The following RRBP1 variants were observed in gnomAD, a reference collection of about 807,000 sequenced individuals.
RRBP1 encodes ribosome binding protein 1.
In RRBP1, 94 loss-of-function variants were observed where a neutral mutation model predicts 165.2. The ratio of observed to expected loss-of-function variants is 0.57; its 90% CI spans 0.48 to 0.68. The LOEUF is 0.68. RRBP1 is among the 30% of genes least tolerant of loss of function. The probability of loss-of-function intolerance (pLI) is 0.00; values close to 1 mark genes in which losing one functional copy is unlikely to be tolerated. For synonymous variants in RRBP1, 680 were observed against 714.5 expected (o/e 0.95, Z 0.77); for missense variants, 1,676 against 1,763.0 (o/e 0.95, Z 0.88).
chr20:17,628,048 C>T (rs757614497), intron 9 of RRBP1, among the ~76,000 whole-genome samples: 14 of 152,188 alleles, frequency 9.2e-5, no homozygotes, highest in Non-Finnish European at 1.0e-4. Context: ...CTAGGTGGAC[C>T]CCACTGCCAC....
chr20:17,625,801 C>A (rs981217265), intron 11 of RRBP1, among the ~76,000 whole-genome samples, 199 bp from the exon 12 acceptor site: 3 of 152,156 alleles, frequency 2.0e-5, no homozygotes, highest in Non-Finnish European at 4.4e-5. Flanking sequence ...TCCCCTCCCC[C>A]CGCCATCCAG....
In RRBP1 at chr20:17,636,662, C is replaced by A. The variant is rs772325450; in HGVS notation, c.2252G>T (p.Arg751Leu). The stretch of plus-strand genomic sequence containing the variant: ...CTGCACAGCCGTGATCTCCTGCTCC[C>A]GGGCCACCAGCTGCTTTTTCACTTT... ...EAKVKKQLVA[R>L]EQEITAVQAR... is the part of the protein sequence containing the mutation. The change falls in exon 6 of 25, where the codon CGG becomes CTG. Residue 751 changes from arginine to leucine, a missense_variant. Coordinates refer to ENST00000377813, the MANE Select transcript of RRBP1 (RefSeq NM_001365613.2). 6.2e-7 allele frequency: 1 copy of A among 1,613,334 alleles called. No individual in the cohort carries two copies. Among genetic ancestry groups the A allele is most frequent in the Non-Finnish European group, 8.5e-7 (1 of 1,180,032 alleles).
At position 17,641,840 on chromosome 20, in the gene RRBP1, TC is replaced by T; in HGVS notation, c.2140del (p.Glu714LysfsTer10). 6.2e-7 allele frequency: 1 copy of T among 1,613,966 alleles called. No homozygotes were observed. Among genetic ancestry groups the T allele is most frequent in the Non-Finnish European group, 8.5e-7 (1 of 1,180,018 alleles). The part of the protein sequence containing the change: ...EKEKLLATEQ[E>X]DAAVAKSKLR... ...TTTGCTCTTGGCGACAGCCGCATCT[TC>T]CTGTTCTGTGGCCAGCAGTTTTTCC... is the stretch of plus-strand genomic sequence containing the variant. On this transcript the variant is annotated frameshift_variant, in exon 5 of 25. Coordinates refer to ENST00000377813, the MANE Select transcript of RRBP1 (RefSeq NM_001365613.2). LOFTEE classifies it high-confidence loss of function.
intron 6 of RRBP1, among the ~76,000 whole-genome samples, chr20:17,636,017 C>G (rs1010109333): frequency 3.3e-5 from 5 of 152,230 alleles, no homozygotes; most frequent in Non-Finnish European, 7.3e-5. Flanking sequence ...CTCTAACCCC[C>G]CTGAGGAAGC....
intron 2 of RRBP1, among the ~76,000 whole-genome samples, chr20:17,675,741 A>G: frequency 6.6e-6 from 1 of 152,322 alleles, no homozygotes; most frequent in East Asian, 1.9e-4. Flanking sequence ...GAGGACAGGG[A>G]GATGGTAGGA....
chr20:17,614,882 T>C lies in RRBP1; in HGVS notation n.1514-2A>G. On this transcript the variant is annotated splice_acceptor_variant and non_coding_transcript_variant, in intron 4 of 5. Coordinates refer to the RRBP1 transcript ENST00000468428. ...CTTCTTCTCTTTTTCTAGTCTCTCC[T>C]GATGGTCAGAAGGTTGACGGGCATC... is the stretch of plus-strand genomic sequence containing the variant. 6.2e-7 allele frequency: 1 copy of C among 1,612,566 alleles called. No individual in the cohort carries two copies. The highest frequency in any genetic ancestry group is 8.5e-7 in the Non-Finnish European group (1 of 1,179,940).
At chr20:17,632,645 A>G (rs2122317063) in intron 8 of RRBP1, among the ~76,000 whole-genome samples, 1 of 134,764 alleles carries the variant, frequency 7.4e-6, no homozygotes, top group South Asian at 2.7e-4. Flanking sequence ...ATGGGACAGA[A>G]AAAGGGCCCT....
intron 20 of RRBP1, among the ~76,000 whole-genome samples, chr20:17,617,341 G>A (rs1386279166): frequency 6.6e-6 from 1 of 152,260 alleles, no homozygotes; most frequent in Non-Finnish European, 1.5e-5. Context: ...CACTGGGCCT[G>A]CAATTTGAAG....
Position 17,615,937 on chromosome 20 carries a change from C to A in RRBP1, c.3940G>T (p.Glu1314Ter). The change falls in exon 22 of 25, where the codon GAG becomes TAG. Residue 1314 changes from glutamate (E) to a stop codon, truncating the protein, a stop_gained. Coordinates refer to ENST00000377813, the MANE Select transcript of RRBP1 (RefSeq NM_001365613.2). LOFTEE classifies it high-confidence loss of function. ...EQTQRQKLTA[E>*]FEEAQTSACR... ...AGGCAGGGCCTGACCTCCTCAAACT[C>A]GGCCGTGAGCTTCTGCCGCTGTGTC... 6.2e-7 allele frequency: 1 copy of A among 1,610,064 alleles called. No individual in the cohort carries two copies. Among genetic ancestry groups the A allele is most frequent in the Non-Finnish European group, 8.5e-7 (1 of 1,179,900 alleles).
Position 17,659,633 on chromosome 20 carries a change from G to A in RRBP1, c.875C>T (p.Ala292Val). 1 of 1,550,362 alleles carries A rather than the reference G, an allele frequency of 6.5e-7. No individual in the cohort carries two copies. The part of the protein sequence containing the change: ...VEGAPTQGRK[A>V]EGAQNQAKKV... ...TTTGGCCTGGTTCTGAGCCCCCTCG[G>A]CCTTTCTGCCCTGGGTTGGGGCCCC... Residue 292 changes from alanine (A) to valine (V), a missense_variant, in exon 3 of 25, where the codon GCC becomes GTC. Ala to Val is a moderately conservative substitution (Grantham distance 64). Around this residue, in one of 5 missense-constraint regions of RRBP1, gnomAD observed 392 missense variants for 382.5 expected, o/e 1.02. Transcript: ENST00000377813.
At chr20:17,619,266 T>C (rs1340486235) in intron 19 of RRBP1, 2 of 207,652 alleles carry the variant, frequency 9.6e-6, no homozygotes, top group Non-Finnish European at 1.9e-5. Flanking sequence ...CTTGTGCTTC[T>C]GCTTCTGAAG....
rs6136153 is a variant in RRBP1, at chr20:17,627,626, G to A, written c.2806C>T (p.Leu936=). The change falls in exon 10 of 25, where the codon CTG becomes TTG. Residue 936 remains leucine (L), a synonymous_variant. Coordinates refer to ENST00000377813, the MANE Select transcript of RRBP1 (RefSeq NM_001365613.2). The stretch of plus-strand genomic sequence containing the variant: ...TGGAGCTGCCCGTGGAGGCCACTCA[G>A]CTCCTCGCATTTGCTGCGCACCTCC... ...EAEVRSKCEE[L]SGLHGQLQEA... 3 of 1,613,188 alleles carry A rather than the reference G, an allele frequency of 1.9e-6. No homozygotes were observed. The South Asian group carries it at 3.3e-5, about 18-fold the overall frequency.
In RRBP1 at chr20:17,656,975, C is replaced by A. The variant is rs1195470678; in HGVS notation, c.1912+1621G>T. 2.6e-5 allele frequency among the ~76,000 whole-genome samples: 4 copies of A among 152,308 alleles called. 1 individual carries two copies. The East Asian group carries it at 7.7e-4, about 29-fold the overall frequency. ...GTTCTTTATTACCTGCAAATTAGAA[C>A]AATTTTGTCTTCCTTTCCAATATTA... On this transcript the variant is annotated intron_variant, in intron 3 of 24. Transcript: ENST00000377813.
chr20:17,634,636 T>C (rs2036215076), intron 7 of RRBP1, among the ~76,000 whole-genome samples: 1 of 152,230 alleles, frequency 6.6e-6, no homozygotes, highest in Non-Finnish European at 1.5e-5. Context: ...ACAAGTCTCC[T>C]GGCTTTAGAG....
In RRBP1 at chr20:17,643,176, C is replaced by T; in HGVS notation, c.1913-49G>A. On this transcript the variant is annotated intron_variant, in intron 3 of 24. Coordinates refer to ENST00000377813, the MANE Select transcript of RRBP1 (RefSeq NM_001365613.2). The surrounding 1 kb of genome is among the most constrained non-coding windows in gnomAD (Gnocchi z 4.3). ...TGAGACTTAGGCCCATAAGCCACAA[C>T]ACACGTGGCCACAATGCCCATCACA... 6.3e-7 allele frequency: 1 copy of T among 1,583,152 alleles called. No individual in the cohort carries two copies. Among genetic ancestry groups the T allele is most frequent in the Non-Finnish European group, 8.6e-7 (1 of 1,162,526 alleles).
Position 17,616,763 on chromosome 20 carries a change from T to C in RRBP1, c.3836A>G (p.Glu1279Gly). 6.2e-7 allele frequency: 1 copy of C among 1,612,342 alleles called. No individual in the cohort carries two copies. The highest frequency in any genetic ancestry group is 1.1e-5 in the South Asian group (1 of 90,948). Reference protein sequence around the residue: ...DIAGAPASSPEAPPAEQDPVQ... With the variant: ...DIAGAPASSPGAPPAEQDPVQ... ...GGGGTCCTGCTCGGCTGGGGGCGCC[T>C]CTGGGGAGGAAGCTGGGGCCCCAGC... Residue 1279 changes from glutamate to glycine, a missense_variant, in exon 21 of 25, where the codon GAG becomes GGG. Glu to Gly is a moderately conservative substitution (Grantham distance 98). Around this residue, in one of 5 missense-constraint regions of RRBP1, gnomAD observed 1,184 missense variants for 1,167.1 expected, o/e 1.01. Coordinates refer to ENST00000377813, the MANE Select transcript of RRBP1 (RefSeq NM_001365613.2).
chr20:17,621,832 C>T (rs760525414), intron 14 of RRBP1, 23 bp downstream of exon 14: 11 of 1,612,772 alleles, frequency 6.8e-6, no homozygotes, highest in South Asian at 3.3e-5. Flanking sequence ...GTGAGGTCCC[C>T]GGGAACCACC....
At chr20:17,650,967 T>C (rs1172616615) in intron 3 of RRBP1, among the ~76,000 whole-genome samples, 1 of 152,240 alleles carries the variant, frequency 6.6e-6, no homozygotes, top group East Asian at 1.9e-4. Flanking sequence ...ATAGACACTG[T>C]GCATAGGTGC....
Position 17,660,078 on chromosome 20 carries a change from T to C in RRBP1, c.430A>G (p.Lys144Glu). Reference sequence around the variant, plus strand: ...GCTGGTTCCACTTTTGCCACTTTTTTCTCCTTCTTCTTTTTGTCCTTGGGG... The same window carrying C: ...GCTGGTTCCACTTTTGCCACTTTTTCCTCCTTCTTCTTTTTGTCCTTGGGG... ...SSPKDKKKKE[K>E]KVAKVEPAVS... is the part of the protein sequence containing the mutation. Residue 144 changes from lysine (K) to glutamate (E), a missense_variant, in exon 3 of 25, where the codon AAA becomes GAA. Lys to Glu is a moderately conservative substitution (Grantham distance 56). This residue lies in a region of RRBP1 where 392 missense variants were observed against 382.5 expected (regional missense o/e 1.02). Transcript: ENST00000377813. 1 of 1,614,062 alleles carries C rather than the reference T, an allele frequency of 6.2e-7. No individual in the cohort carries two copies. The highest frequency in any genetic ancestry group is 1.3e-5 in the African/African-American group (1 of 75,036).
Sources: allele counts gnomAD v4.1 joint callset (sites outside exome capture counted in the v4.1 genomes callset), GRCh38; gene constraint gnomAD v4.1.1; regional missense constraint gnomAD v4.1.1; non-coding constraint Gnocchi (gnomAD v3.1); transcripts MANE v1.5; gene names NCBI Gene and HGNC (gene_info 2026-07-23, HGNC 2026-07-21).